The following ING2 variants were observed in gnomAD, a reference collection of about 807,000 sequenced individuals.
ING2 encodes inhibitor of growth family member 2.
In ING2, 7 loss-of-function variants were observed where a neutral mutation model predicts 30.6. The ratio of observed to expected loss-of-function variants is 0.23; its 90% CI spans 0.13 to 0.43. ING2 has a LOEUF of 0.43. Among genes scored for constraint, ING2 ranks in the 20% least tolerant of loss-of-function variants. The pLI is 1.00. For synonymous variants in ING2, 136 were observed against 121.7 expected, an observed-to-expected ratio of 1.12 and a Z score of -0.78; for missense variants, 239 against 334.9, an observed-to-expected ratio of 0.71 and a Z score of 2.24.
intron 1 of ING2, among the ~76,000 whole-genome samples, chr4:183,507,289 C>CGGA (rs1204599504): frequency 6.6e-6 from 1 of 152,178 alleles, no homozygotes; most frequent in Non-Finnish European, 1.5e-5. Context: ...TTAGTAGAGA[C>CGGA]GGAGTTTCAC....
intron 1 of ING2, 97 bp from the exon 2 acceptor site, chr4:183,510,185 T>A (rs576425233): frequency 1.2e-6 from 1 of 849,408 alleles, no homozygotes; most frequent in South Asian, 1.7e-5. Flanking sequence ...TTTCATGGTT[T>A]GAGTTCTAAT....
Position 183,510,379 on chromosome 4 carries a change from A to G in ING2, c.270A>G (p.Leu90=), listed in dbSNP as rs1288596185. 6.2e-7 allele frequency: 1 copy of G among 1,614,158 alleles called. No individual in the cohort carries two copies. The highest frequency in any genetic ancestry group is 1.7e-5 in the Admixed American group (1 of 60,030). The part of the protein sequence containing the change: ...KRLQQLLQRA[L]INSQELGDEK... ...TACAGCAGCTTCTCCAGAGAGCACTAATTAATAGTCAAGAATTGGGAGATG... is the reference window on the plus strand; with the variant it reads ...TACAGCAGCTTCTCCAGAGAGCACTGATTAATAGTCAAGAATTGGGAGATG... Residue 90 remains leucine, a synonymous_variant, in exon 2 of 2, where the codon CTA becomes CTG. Transcript: ENST00000302327.
intron 1 of ING2, among the ~76,000 whole-genome samples, chr4:183,509,160 C>T (rs945534837): frequency 2.0e-5 from 3 of 152,154 alleles, no homozygotes; most frequent in Non-Finnish European, 4.4e-5. Context: ...CTTATGCCTT[C>T]TTTGTTAAGA....
intron 1 of ING2, among the ~76,000 whole-genome samples, chr4:183,506,616 A>G (rs1049060815): frequency 6.6e-6 from 1 of 152,238 alleles, no homozygotes; most frequent in African/African-American, 2.4e-5. Flanking sequence ...CGAACTTTAA[A>G]GATAATTTCC....
At chr4:183,506,078 G>A in intron 1 of ING2, 1 of 1,171,834 alleles carries the variant, frequency 8.5e-7, no homozygotes, top group Non-Finnish European at 1.1e-6. Flanking sequence ...GCTTGACGAG[G>A]GGCGTGGGAG....
At chr4:183,506,358 G>A in intron 1 of ING2, 9 of 1,274,356 alleles carry the variant, frequency 7.1e-6, no homozygotes, top group Non-Finnish European at 8.3e-6. Context: ...GCTTCAGGAG[G>A]AAGTGGGTTG....
rs369786751 is a variant in ING2, at chr4:183,507,805, G to A, written c.172+2438G>A. ...TTTAGTGATATAAATTATATAGGCAGTCAAATTTCTTTCTAACCTACTTGA... is the reference window on the plus strand; with the variant it reads ...TTTAGTGATATAAATTATATAGGCAATCAAATTTCTTTCTAACCTACTTGA... On this transcript the variant is annotated intron_variant, in intron 1 of 1. Transcript: ENST00000302327. Among the ~76,000 whole-genome samples, 66 of 152,198 alleles carry A rather than the reference G, an allele frequency of 4.3e-4. 1 individual carries two copies. Among genetic ancestry groups the A allele is most frequent in the African/African-American group, 1.4e-3 (58 of 41,538 alleles).
At chr4:183,508,311 C>T (rs2111089389) in intron 1 of ING2, among the ~76,000 whole-genome samples, 1 of 151,952 alleles carries the variant, frequency 6.6e-6, no homozygotes, top group Admixed American at 6.5e-5. Flanking sequence ...GCCTCTAACA[C>T]CTGATTATTA....
In ING2 at chr4:183,511,383, G is replaced by A. The variant is rs1023705205; in HGVS notation, c.*431G>A. ...GGGTACTTTAAAATACAGACACTATGCCATTTGAGCTGCTTTTTCCCTAGT... is the reference window on the plus strand; with the variant it reads ...GGGTACTTTAAAATACAGACACTATACCATTTGAGCTGCTTTTTCCCTAGT... On this transcript the variant is annotated 3_prime_UTR_variant, in exon 2 of 2. Transcript: ENST00000302327. 1.3e-5 allele frequency among the ~76,000 whole-genome samples: 2 copies of A among 152,190 alleles called. No homozygotes were observed. Among genetic ancestry groups the A allele is most frequent in the East Asian group, 3.8e-4 (2 of 5,200 alleles).
At chr4:183,508,460 C>A (rs1734733422) in intron 1 of ING2, among the ~76,000 whole-genome samples, 2 of 151,904 alleles carry the variant, frequency 1.3e-5, no homozygotes, top group Admixed American at 6.6e-5. Flanking sequence ...CCGAGCTAAG[C>A]AAATGGAATA....
At position 183,505,333 on chromosome 4, in the gene ING2, G is replaced by C; in HGVS notation, c.138G>C (p.Val46=). 6.5e-7 allele frequency: 1 copy of C among 1,547,272 alleles called. No homozygotes were observed. Among genetic ancestry groups the C allele is most frequent in the Non-Finnish European group, 8.7e-7 (1 of 1,146,450 alleles). ...ESLPHDMQRN[V]SVLRELDNKY... ...TGCCCCACGACATGCAGAGGAACGT[G>C]TCTGTGCTGCGAGAGCTGGACAACA... Residue 46 remains valine, a synonymous_variant, in exon 1 of 2, where the codon GTG becomes GTC. Coordinates refer to ENST00000302327, the MANE Select transcript of ING2 (RefSeq NM_001564.4).
Position 183,511,892 on chromosome 4 carries a change from T to C in ING2, c.*940T>C, listed in dbSNP as rs1445435688. 1.3e-5 allele frequency among the ~76,000 whole-genome samples: 2 copies of C among 152,260 alleles called. No homozygotes were observed. Among genetic ancestry groups the C allele is most frequent in the Non-Finnish European group, 2.9e-5 (2 of 68,044 alleles). On this transcript the variant is annotated 3_prime_UTR_variant, in exon 2 of 2. Transcript: ENST00000302327. ...TGTTTTAAATGGTTTTGCTAGTGGTTATTGTTCATTTCTGTCCCAATCAGT... is the reference window on the plus strand; with the variant it reads ...TGTTTTAAATGGTTTTGCTAGTGGTCATTGTTCATTTCTGTCCCAATCAGT...
intron 1 of ING2, chr4:183,506,032 C>A: frequency 9.6e-7 from 1 of 1,041,180 alleles, no homozygotes; most frequent in Non-Finnish European, 1.2e-6. Flanking sequence ...GCGTGTGTGG[C>A]GGGGAGGGCC....
At chr4:183,507,958 C>G (rs936453395) in intron 1 of ING2, among the ~76,000 whole-genome samples, 1 of 152,080 alleles carries the variant, frequency 6.6e-6, no homozygotes, top group Non-Finnish European at 1.5e-5. Flanking sequence ...TGTTCCCACT[C>G]ATAATTTCTT....
chr4:183,511,379 C>T lies in ING2; in HGVS notation c.*427C>T, dbSNP rs1214167425. Among the ~76,000 whole-genome samples the T allele has an allele frequency of 6.6e-6, 1 of 152,206 alleles. No individual in the cohort carries two copies. Among genetic ancestry groups the T allele is most frequent in the Non-Finnish European group, 1.5e-5 (1 of 68,034 alleles). ...TCTTGGGTACTTTAAAATACAGACACTATGCCATTTGAGCTGCTTTTTCCC... is the reference window on the plus strand; with the variant it reads ...TCTTGGGTACTTTAAAATACAGACATTATGCCATTTGAGCTGCTTTTTCCC... On this transcript the variant is annotated 3_prime_UTR_variant, in exon 2 of 2. Transcript: ENST00000302327.
At chr4:183,506,635 T>C (rs760292548) in intron 1 of ING2, among the ~76,000 whole-genome samples, 4 of 152,210 alleles carry the variant, frequency 2.6e-5, no homozygotes, top group Non-Finnish European at 5.9e-5. Context: ...CCTGGACCCA[T>C]TCTCTGTTTT....
Position 183,511,911 on chromosome 4 carries a change from A to C in ING2, c.*959A>C, listed in dbSNP as rs1320305715. Among the ~76,000 whole-genome samples the C allele has an allele frequency of 2.6e-5, 4 of 152,238 alleles. No individual in the cohort carries two copies. The highest frequency in any genetic ancestry group is 9.6e-5 in the African/African-American group (4 of 41,462). On this transcript the variant is annotated 3_prime_UTR_variant, in exon 2 of 2. Coordinates refer to ENST00000302327, the MANE Select transcript of ING2 (RefSeq NM_001564.4). ...AGTGGTTATTGTTCATTTCTGTCCC[A>C]ATCAGTGACTATTTTAAATAATAGT...
rs1388232407 is a variant in ING2 at position 183,511,300 on chromosome 4, T to C, written c.*348T>C. 6.6e-6 allele frequency among the ~76,000 whole-genome samples: 1 copy of C among 152,208 alleles called. No individual in the cohort carries two copies. Among genetic ancestry groups the C allele is most frequent in the Non-Finnish European group, 1.5e-5 (1 of 68,036 alleles). ...AAAAGTTTCACTAGCATTTTAGTTA[T>C]ACATGCTTAAAAAAATGTTAGATGT... On this transcript the variant is annotated 3_prime_UTR_variant, in exon 2 of 2. Coordinates refer to ENST00000302327, the MANE Select transcript of ING2 (RefSeq NM_001564.4).
Position 183,510,798 on chromosome 4 carries a change from A to G in ING2, c.689A>G (p.Asn230Ser). 1.2e-6 allele frequency: 2 copies of G among 1,614,234 alleles called. No individual in the cohort carries two copies. The highest frequency in any genetic ancestry group is 8.5e-7 in the Non-Finnish European group (1 of 1,180,042). ...VSYGEMIGCD[N>S]EQCPIEWFHF... ...TATGGGGAGATGATAGGATGTGACA[A>G]TGAACAGTGTCCAATTGAATGGTTT... The change falls in exon 2 of 2, where the codon AAT becomes AGT. Residue 230 changes from asparagine to serine, a missense_variant. Physicochemically the swap from Asn to Ser is conservative, Grantham distance 46 (BLOSUM62 1). This residue lies in a region of ING2 where 22 missense variants were observed against 77.0 expected (regional missense o/e 0.29). Coordinates refer to ENST00000302327, the MANE Select transcript of ING2 (RefSeq NM_001564.4).
Sources: allele counts gnomAD v4.1 joint callset (sites outside exome capture counted in the v4.1 genomes callset), GRCh38; gene constraint gnomAD v4.1.1; regional missense constraint gnomAD v4.1.1; transcripts MANE v1.5; gene names NCBI Gene and HGNC (gene_info 2026-07-23, HGNC 2026-07-21).